The following TMEM114 variants were observed in gnomAD, a reference collection of about 807,000 sequenced individuals.
TMEM114 encodes the protein claudin-26.
A neutral mutation model predicts 6.2 loss-of-function variants in TMEM114; 6 were observed. The observed-to-expected ratio is 0.97, with a 90% CI of 0.53 to 1.91. The LOEUF (loss-of-function observed/expected upper bound fraction) is 1.91. Ranked by LOEUF, TMEM114 falls within the 40% of genes most tolerant of loss-of-function variation. The pLI is 0.01. For missense variants in TMEM114, 218 were observed against 158.3 expected (o/e 1.38, Z -2.02); for synonymous variants, 104 against 73.0 (o/e 1.42, Z -2.16).
At chr16:8,530,759 C>T in the TMEM114 span, among the ~76,000 whole-genome samples, 12 of 152,108 alleles carry the variant, frequency 7.9e-5, no homozygotes, top group African/African-American at 2.9e-4. Flanking sequence ...CATTGTGGCT[C>T]ATGCTCATAA....
chr16:8,556,395 A>T (rs1901009780), intron 2 of TMEM114, among the ~76,000 whole-genome samples: 1 of 152,192 alleles, frequency 6.6e-6, no homozygotes, highest in Admixed American at 6.5e-5. Context: ...CATCCTTTTC[A>T]TCCTTTGGGG....
intron 2 of TMEM114, among the ~76,000 whole-genome samples, chr16:8,552,253 G>A (rs1417031056): frequency 1.3e-5 from 2 of 151,918 alleles, no homozygotes; most frequent in South Asian, 2.1e-4. Flanking sequence ...GCATGGTTGT[G>A]TGTGCCTATA....
At chr16:8,530,746 G>A in the TMEM114 span, among the ~76,000 whole-genome samples, 2 of 151,914 alleles carry the variant, frequency 1.3e-5, no homozygotes, top group African/African-American at 2.4e-5. Context: ...AGGAGGGGCC[G>A]GGCATTGTGG....
chr16:8,558,397 C>A (rs561892695), intron 2 of TMEM114, among the ~76,000 whole-genome samples: 1 of 152,160 alleles, frequency 6.6e-6, no homozygotes, highest in East Asian at 1.9e-4. Context: ...TCTCTCCAAC[C>A]CCTGCCTCTG....
At chr16:8,580,306 G>T (rs969759687) in intron 2 of TMEM114, among the ~76,000 whole-genome samples, 5 of 152,112 alleles carry the variant, frequency 3.3e-5, no homozygotes, top group Admixed American at 6.5e-5. Flanking sequence ...GGCCAACATG[G>T]CGAAAACCCG....
intron 2 of TMEM114, among the ~76,000 whole-genome samples, chr16:8,580,813 C>T (rs1413847696): frequency 6.6e-6 from 1 of 152,134 alleles, no homozygotes; most frequent in Non-Finnish European, 1.5e-5. Flanking sequence ...ACTTCAGCCT[C>T]CCAAGTAGCT....
the TMEM114 span, among the ~76,000 whole-genome samples, chr16:8,530,639 G>C: frequency 7.2e-5 from 11 of 152,094 alleles, no homozygotes; most frequent in Admixed American, 5.2e-4. Flanking sequence ...GGAGGTAAGG[G>C]GGGACGGATG....
intron 2 of TMEM114, 110 bp downstream of exon 2, chr16:8,589,103 C>T (rs1902403811): frequency 2.5e-6 from 1 of 395,914 alleles, no homozygotes; most frequent in Admixed American, 4.4e-5. Context: ...TCAGAGGCCA[C>T]CCCAGCCGCC....
At chr16:8,569,048 G>A (rs563767956), downstream of TMEM114, among the ~76,000 whole-genome samples, 3 of 152,344 alleles carry the variant, frequency 2.0e-5, no homozygotes, top group South Asian at 4.1e-4. Flanking sequence ...CCTGGGGGTG[G>A]CATCAGCCCG....
Position 8,559,363 on chromosome 16 carries a change from G to A in TMEM114, n.213-21537C>T, listed in dbSNP as rs376010807. Among the ~76,000 whole-genome samples, 6 of 152,292 alleles carry A rather than the reference G, an allele frequency of 3.9e-5. No individual in the cohort carries two copies. The East Asian group carries it at 7.7e-4, about 20-fold the overall frequency. On this transcript the variant is annotated intron_variant and non_coding_transcript_variant, in intron 2 of 2. Coordinates refer to the TMEM114 transcript ENST00000623677. The stretch of plus-strand genomic sequence containing the variant: ...CTGCCTTAATTCCACCCAGTTCTGA[G>A]ACTAGCTGCTTCCATCGCACAGATC...
intron 2 of TMEM114, among the ~76,000 whole-genome samples, chr16:8,555,021 T>G (rs66631970): frequency 0.31 from 47,237 of 152,090 alleles, 7,818 homozygotes; most frequent in African/African-American, 0.42. Flanking sequence ...CAGCCTTCAG[T>G]ACCAGGGCCT....
intron 2 of TMEM114, among the ~76,000 whole-genome samples, chr16:8,563,151 G>GAATGAGTGAGTGAGTGAGTA (rs1901340083): frequency 6.7e-6 from 1 of 149,440 alleles, no homozygotes; most frequent in African/African-American, 2.5e-5. Context: ...ATGAGTGACT[G>GAATGAGTGAGTGAGTGAGTA]AATGAGTGAG....
the TMEM114 span, chr16:8,526,727 G>A: frequency 2.0e-5 from 3 of 152,104 alleles, no homozygotes; most frequent in Admixed American, 1.3e-4. Context: ...AAATTACCCA[G>A]TCTCAAGTAT....
chr16:8,542,436 T>C (rs1046445336), intron 2 of TMEM114, among the ~76,000 whole-genome samples: 2 of 152,294 alleles, frequency 1.3e-5, no homozygotes, highest in East Asian at 1.9e-4. Flanking sequence ...AATTCCCAAG[T>C]CTGCTCCTCC....
intron 2 of TMEM114, among the ~76,000 whole-genome samples, chr16:8,541,048 C>T (rs920642732): frequency 2.0e-5 from 3 of 151,654 alleles, no homozygotes; most frequent in Middle Eastern, 3.2e-3. Flanking sequence ...AGGCTGAGAG[C>T]GAAGTCTGGA....
intron 2 of TMEM114, among the ~76,000 whole-genome samples, chr16:8,545,306 C>G (rs1042508596): frequency 5.9e-5 from 9 of 152,138 alleles, no homozygotes; most frequent in Admixed American, 4.6e-4. Context: ...CACAGTGGCA[C>G]ATGCCTGCAG....
intron 2 of TMEM114, among the ~76,000 whole-genome samples, chr16:8,548,096 C>T (rs1241484346): frequency 6.6e-6 from 1 of 152,156 alleles, no homozygotes; most frequent in Non-Finnish European, 1.5e-5. Context: ...GCAAGCAAGA[C>T]CCTCTGAAAA....
chr16:8,566,664 C>T (rs139346942), downstream of TMEM114, among the ~76,000 whole-genome samples: 654 of 152,276 alleles, frequency 4.3e-3, 2 homozygotes, highest in Middle Eastern at 0.048. Flanking sequence ...CCTGCCTCTA[C>T]CTTCACCTCC....
At chr16:8,559,962 G>C (rs773756553) in intron 2 of TMEM114, among the ~76,000 whole-genome samples, 7 of 152,076 alleles carry the variant, frequency 4.6e-5, no homozygotes, top group African/African-American at 9.7e-5. Flanking sequence ...CGGGCTTTGC[G>C]TCTCTGTTCT....
Sources: allele counts gnomAD v4.1 joint callset (sites outside exome capture counted in the v4.1 genomes callset), GRCh38; gene constraint gnomAD v4.1.1; transcripts MANE v1.5; gene names NCBI Gene and HGNC (gene_info 2026-07-23, HGNC 2026-07-21).